Variants in PLCB4 observed in about 807,000 individuals in gnomAD.
The protein encoded by PLCB4 is 1-phosphatidylinositol 4,5-bisphosphate phosphodiesterase beta-4.
Under a neutral mutation model 178.8 loss-of-function variants are expected in PLCB4, and 77 were observed. That is an observed-to-expected ratio of 0.43 (90% CI 0.36 to 0.52). PLCB4 has a LOEUF of 0.52. PLCB4 is among the 20% of genes least tolerant of loss of function. The probability of loss-of-function intolerance (pLI) is 0.00; values close to 1 mark genes in which losing one functional copy is unlikely to be tolerated. For synonymous variants in PLCB4, 496 were observed against 490.8 expected, an observed-to-expected ratio of 1.01 and a Z score of -0.14; for missense variants, 1,024 against 1,453.4, an observed-to-expected ratio of 0.70 and a Z score of 4.80.
intron 21 of PLCB4, 35 bp downstream of exon 21, chr20:9,405,383 G>A: frequency 1.5e-6 from 2 of 1,294,810 alleles, no homozygotes; most frequent in Non-Finnish European, 2.2e-6. Context: ...TTTTAAATCA[G>A]ATGCATCTAA....
chr20:9,371,834 T>C (rs1436565037), intron 10 of PLCB4, among the ~76,000 whole-genome samples: 2 of 152,228 alleles, frequency 1.3e-5, no homozygotes, highest in Non-Finnish European at 2.9e-5. Flanking sequence ...ACTATTTTAA[T>C]AAGTCCTATT....
intron 7 of PLCB4, among the ~76,000 whole-genome samples, chr20:9,358,003 G>A (rs1203960160): frequency 6.6e-6 from 1 of 152,166 alleles, no homozygotes; most frequent in Admixed American, 6.5e-5. Context: ...CCATGGTTCT[G>A]GGATGAGACC....
intron 14 of PLCB4, among the ~76,000 whole-genome samples, chr20:9,386,896 T>C (rs1238729816): frequency 6.9e-6 from 1 of 144,856 alleles, no homozygotes; most frequent in East Asian, 2.1e-4. Context: ...ATTGTCCTTT[T>C]TTTTTTTTTT....
At chr20:9,100,410 G>C (rs911435726) in intron 2 of PLCB4, among the ~76,000 whole-genome samples, 1 of 152,076 alleles carries the variant, frequency 6.6e-6, no homozygotes, top group African/African-American at 2.4e-5. Context: ...GTCTTGCTCT[G>C]TTGCCCAGGC....
chr20:9,282,094 T>G (rs2094499244), intron 3 of PLCB4, among the ~76,000 whole-genome samples: 1 of 151,964 alleles, frequency 6.6e-6, no homozygotes, highest in Non-Finnish European at 1.5e-5. Context: ...AGGAACAGTT[T>G]GGGAGAAAGC....
At chr20:9,436,663 T>A (rs1320218057) in intron 29 of PLCB4, among the ~76,000 whole-genome samples, 2 of 152,152 alleles carry the variant, frequency 1.3e-5, no homozygotes, top group Non-Finnish European at 2.9e-5. Context: ...CAAAATGGCG[T>A]TTATTATTGA....
At chr20:9,319,688 C>T (rs1027515201) in intron 4 of PLCB4, among the ~76,000 whole-genome samples, 4 of 152,128 alleles carry the variant, frequency 2.6e-5, no homozygotes, top group Non-Finnish European at 4.4e-5. Context: ...ATTCATTCTT[C>T]CTCCACCATT....
intron 25 of PLCB4, among the ~76,000 whole-genome samples, chr20:9,416,691 G>A (rs908013180): frequency 6.6e-6 from 1 of 152,168 alleles, no homozygotes; most frequent in Non-Finnish European, 1.5e-5. Flanking sequence ...GAATACAGAA[G>A]ATAATCTCTT....
chr20:9,292,188 C>T (rs2094585932), intron 3 of PLCB4, among the ~76,000 whole-genome samples: 1 of 152,172 alleles, frequency 6.6e-6, no homozygotes, highest in Non-Finnish European at 1.5e-5. Flanking sequence ...AGGCAACCTT[C>T]AGAGAGCTTA....
intron 2 of PLCB4, among the ~76,000 whole-genome samples, chr20:9,163,040 G>T (rs1681946949): frequency 6.6e-6 from 1 of 152,256 alleles, no homozygotes; most frequent in Admixed American, 6.5e-5. Context: ...GATGGGAATA[G>T]ATGCACACAG....
At chr20:9,073,126 T>C (rs2089654540) in intron 1 of PLCB4, among the ~76,000 whole-genome samples, 1 of 152,186 alleles carries the variant, frequency 6.6e-6, no homozygotes, top group Admixed American at 6.5e-5. Flanking sequence ...TTAAGATACA[T>C]TGCCCTTCTT....
intron 2 of PLCB4, among the ~76,000 whole-genome samples, chr20:9,188,168 C>T (rs898367915): frequency 6.6e-6 from 1 of 152,062 alleles, no homozygotes; most frequent in Non-Finnish European, 1.5e-5. Context: ...GAAAAGTGTG[C>T]CAGATGGTAA....
chr20:9,420,578 C>T (rs6108289), intron 26 of PLCB4, among the ~76,000 whole-genome samples: 9 of 152,130 alleles, frequency 5.9e-5, no homozygotes, highest in African/African-American at 1.9e-4. Context: ...ATCTACCTGC[C>T]TCAGCCTCCC....
intron 2 of PLCB4, among the ~76,000 whole-genome samples, chr20:9,139,545 T>C (rs916399718): frequency 9.2e-5 from 14 of 152,052 alleles, no homozygotes; most frequent in Non-Finnish European, 2.1e-4. Flanking sequence ...AGGGAGCTTA[T>C]AGATGTGCAA....
chr20:9,463,668 CAA>C (rs1216753175), intron 35 of PLCB4, among the ~76,000 whole-genome samples: 1 of 146,752 alleles, frequency 6.8e-6, no homozygotes. Context: ...CAACAAAGAT[CAA>C]AAGAGACAAA....
chr20:9,423,743 T>A lies in PLCB4; in HGVS notation c.2320-5T>A, dbSNP rs775021353. The stretch of plus-strand genomic sequence containing the variant: ...AAATCAGTGAAAGTCCTGTTCTGTT[T>A]GCAGGTGATCCTGCCGGACCTGGCT... On this transcript the variant is annotated splice_polypyrimidine_tract_variant and splice_region_variant and intron_variant, in intron 27 of 39. Transcript: ENST00000378473. 6.2e-7 allele frequency: 1 copy of A among 1,612,234 alleles called. No homozygotes were observed. Among genetic ancestry groups the A allele is most frequent in the Non-Finnish European group, 8.5e-7 (1 of 1,178,630 alleles).
chr20:9,334,490 A>C (rs528444280), intron 4 of PLCB4, among the ~76,000 whole-genome samples: 16 of 152,288 alleles, frequency 1.1e-4, no homozygotes, highest in African/African-American at 3.6e-4. Flanking sequence ...ACTGTTGACT[A>C]TCCATTTGAG....
At chr20:9,306,391 C>T (rs905882552) in intron 3 of PLCB4, among the ~76,000 whole-genome samples, 3 of 152,004 alleles carry the variant, frequency 2.0e-5, no homozygotes, top group Non-Finnish European at 4.4e-5. Context: ...GCTGGGATTA[C>T]AGGCGTGAGC....
intron 2 of PLCB4, among the ~76,000 whole-genome samples, chr20:9,119,773 G>A (rs964306850): frequency 1.3e-5 from 2 of 152,148 alleles, no homozygotes; most frequent in Non-Finnish European, 2.9e-5. Flanking sequence ...TACGCAGTAC[G>A]GTAAGTTTTA....
Sources: gnomAD v4.1 joint callset for allele counts (sites outside exome capture counted in the v4.1 genomes callset) on GRCh38, gnomAD v4.1.1 for gene constraint, MANE v1.5 for transcripts, NCBI Gene and HGNC (gene_info 2026-07-23, HGNC 2026-07-21) for gene names.